The following FRMPD2 variants were observed in gnomAD, a reference collection of about 807,000 sequenced individuals.
The protein encoded by FRMPD2 is FERM and PDZ domain-containing protein 2.
Under a neutral mutation model 140.1 loss-of-function variants are expected in FRMPD2, and 96 were observed. That is an observed-to-expected ratio of 0.69 (90% confidence interval 0.58 to 0.81). The LOEUF is 0.81. Ranked by LOEUF, FRMPD2 falls within the 40% of genes least tolerant of loss-of-function variation. The pLI is 0.00. For missense variants in FRMPD2, 1,240 were observed against 1,447.4 expected (o/e 0.86, Z 2.32); for synonymous variants, 449 against 547.6 (o/e 0.82, Z 2.52).
rs566569760 is a variant in FRMPD2, at chr10:48,174,973, G to A, written c.2990-18C>T. 1.8e-3 allele frequency: 1,296 copies of A among 733,358 alleles called. 5 individuals carry two copies. Among genetic ancestry groups the A allele is most frequent in the Non-Finnish European group, 1.9e-3 (804 of 420,476 alleles). The allele number at this position is 733,358 out of a possible 1,614,324, so 45.4% of individuals were successfully genotyped here. ...TCGGTCACCTGGGAAAGGGATAGAT[G>A]TCATGTCATGACCTGGTGCTTGAGG... On this transcript the variant is annotated intron_variant, in intron 23 of 28. Coordinates refer to ENST00000374201, the MANE Select transcript of FRMPD2 (RefSeq NM_001018071.4).
At chr10:48,164,540 A>G (rs1346892190) in intron 27 of FRMPD2, among the ~76,000 whole-genome samples, 1 of 147,558 alleles carries the variant, frequency 6.8e-6, no homozygotes, top group Non-Finnish European at 1.5e-5. Context: ...CTCACCTACA[A>G]AAGAAGAACC....
intron 1 of FRMPD2, among the ~76,000 whole-genome samples, chr10:48,256,289 G>T (rs910401818): frequency 4.6e-5 from 7 of 152,020 alleles, no homozygotes; most frequent in Non-Finnish European, 8.8e-5. Flanking sequence ...AGTGTCAGCT[G>T]CAGGGATCAG....
At chr10:48,159,380 C>A in intron 28 of FRMPD2, 1 of 412,846 alleles carries the variant, frequency 2.4e-6, no homozygotes, top group South Asian at 1.8e-5. Flanking sequence ...CCAAGGATAG[C>A]CCTGGGAGCC....
At chr10:48,179,242 GA>G (rs1376043602) in intron 21 of FRMPD2, among the ~76,000 whole-genome samples, 1 of 141,404 alleles carries the variant, frequency 7.1e-6, no homozygotes, top group Non-Finnish European at 1.5e-5. Flanking sequence ...CACATTGGAG[GA>G]ATTGGAGAAA....
In FRMPD2 at chr10:48,232,157, T is replaced by G; in HGVS notation, c.1126A>C (p.Asn376His). The G allele has an allele frequency of 6.2e-7, 1 of 1,614,214 alleles. No individual in the cohort carries two copies. The highest frequency in any genetic ancestry group is 1.1e-5 in the South Asian group (1 of 91,084). ...CCAAAGTAGGTGAGTTCCTCGAGGT[T>G]GGCAAAGGATGTCACGGCATTGAAG... ...AVFNAVTSFA[N>H]LEELTYFGLA... The change falls in exon 10 of 29, where the codon AAC (asparagine) becomes CAC (histidine). Residue 376 changes from asparagine to histidine, a missense_variant. By Grantham distance (68) the Asn-to-His change is moderately conservative. This residue lies in a region of FRMPD2 where 1,161 missense variants were observed against 1,055.9 expected (regional missense o/e 1.10). Coordinates refer to ENST00000374201, the MANE Select transcript of FRMPD2 (RefSeq NM_001018071.4).
Position 48,204,549 on chromosome 10 carries a change from G to C in FRMPD2, c.1797+2199C>G, listed in dbSNP as rs564484424. 3.9e-5 allele frequency among the ~76,000 whole-genome samples: 6 copies of C among 152,082 alleles called. No homozygotes were observed. In the South Asian group the frequency reaches 8.3e-4, roughly 21 times the overall value. ...CGCCATCATACAGAAAAATAATCAG[G>C]GTACGCCATTAAAAATTTGAAAGGA... On this transcript the variant is annotated intron_variant, in intron 14 of 28. Transcript: ENST00000374201.
intron 2 of FRMPD2, among the ~76,000 whole-genome samples, chr10:48,250,942 G>T (rs368421340): frequency 1.3e-5 from 2 of 150,436 alleles, no homozygotes; most frequent in African/African-American, 2.5e-5. Context: ...GATTACAGGC[G>T]AGCGCAACCA....
chr10:48,235,332 T>G (rs1839943184), intron 9 of FRMPD2, among the ~76,000 whole-genome samples: 1 of 152,248 alleles, frequency 6.6e-6, no homozygotes, highest in South Asian at 2.1e-4. Flanking sequence ...CATAAATTGA[T>G]GCAGCTGGTC....
chr10:48,180,450 G>A lies in FRMPD2; in HGVS notation c.2790+353C>T, dbSNP rs534605324. Among the ~76,000 whole-genome samples, 27 of 152,316 alleles carry A rather than the reference G, an allele frequency of 1.8e-4. No individual in the cohort carries two copies. The South Asian group carries it at 3.9e-3, about 22-fold the overall frequency. On this transcript the variant is annotated intron_variant, in intron 21 of 28. Coordinates refer to ENST00000374201, the MANE Select transcript of FRMPD2 (RefSeq NM_001018071.4). The stretch of plus-strand genomic sequence containing the variant: ...GAGGACCAATTCAAGGACAAGAATA[G>A]GAGGTGCCTGGTTGCCCACGCCTTG...
intron 22 of FRMPD2, among the ~76,000 whole-genome samples, chr10:48,176,684 C>T (rs1427056776): frequency 6.7e-6 from 1 of 150,290 alleles, no homozygotes; most frequent in Non-Finnish European, 1.5e-5. Flanking sequence ...GTGAATAACC[C>T]AAAATTTAGT....
chr10:48,181,210 G>A (rs1183462842), intron 20 of FRMPD2, among the ~76,000 whole-genome samples: 6 of 152,230 alleles, frequency 3.9e-5, no homozygotes, highest in Non-Finnish European at 7.3e-5. Context: ...TAGAAACCTA[G>A]ATAGAGCTTA....
intron 16 of FRMPD2, among the ~76,000 whole-genome samples, chr10:48,188,779 T>C (rs1156365934): frequency 6.6e-6 from 1 of 152,224 alleles, no homozygotes. Flanking sequence ...TTATGACCCA[T>C]GTGATCTGGG....
At chr10:48,236,121 T>C (rs1839961310) in intron 9 of FRMPD2, among the ~76,000 whole-genome samples, 1 of 152,124 alleles carries the variant, frequency 6.6e-6, no homozygotes. Context: ...TTTATGTCTT[T>C]GTCTGTCTTT....
chr10:48,271,565 CTA>C lies in FRMPD2; in HGVS notation c.25+2976_25+2977del, dbSNP rs375852216. Among the ~76,000 whole-genome samples the C allele has an allele frequency of 9.3e-4, 142 of 152,280 alleles. 1 individual carries two copies. Among genetic ancestry groups the C allele is most frequent in the African/African-American group, 3.3e-3 (138 of 41,556 alleles). The stretch of plus-strand genomic sequence containing the variant: ...TTCCTGCCTCCCTTCACTACCTACT[CTA>C]TTTCCAACAATGTTGGGCTATGATA... On this transcript the variant is annotated intron_variant, in intron 1 of 28. Transcript: ENST00000374201.
At chr10:48,181,647 G>A (rs1369862526) in intron 20 of FRMPD2, among the ~76,000 whole-genome samples, 2 of 151,946 alleles carry the variant, frequency 1.3e-5, no homozygotes, top group Non-Finnish European at 2.9e-5. Context: ...ACAAAGAAAA[G>A]AACGTGAGGT....
chr10:48,259,333 T>A (rs1037694883), intron 1 of FRMPD2, among the ~76,000 whole-genome samples: 6 of 152,126 alleles, frequency 3.9e-5, no homozygotes, highest in African/African-American at 1.4e-4. Context: ...TGACTTAAGG[T>A]CACAAAAGCC....
chr10:48,271,746 A>G (rs1840770475), intron 1 of FRMPD2, among the ~76,000 whole-genome samples: 1 of 152,246 alleles, frequency 6.6e-6, no homozygotes, highest in East Asian at 1.9e-4. Context: ...AAGCAGCTAA[A>G]AACACTGATA....
At chr10:48,184,513 A>G (rs544517263) in intron 20 of FRMPD2, 53 bp downstream of exon 20, 4 of 1,062,452 alleles carry the variant, frequency 3.8e-6, no homozygotes, top group Non-Finnish European at 5.9e-6. Context: ...GTAATCATGT[A>G]CTCCTGAAAA....
chr10:48,234,861 C>T (rs913119939), intron 9 of FRMPD2, among the ~76,000 whole-genome samples: 4 of 152,132 alleles, frequency 2.6e-5, no homozygotes, highest in Non-Finnish European at 5.9e-5. Context: ...GTCTTGGTAC[C>T]TAAGCACTGC....
Sources: gnomAD v4.1 joint callset for allele counts (sites outside exome capture counted in the v4.1 genomes callset) on GRCh38, gnomAD v4.1.1 for gene constraint, gnomAD v4.1.1 regional missense constraint, MANE v1.5 for transcripts, NCBI Gene and HGNC (gene_info 2026-07-23, HGNC 2026-07-21) for gene names.